The following SLCO3A1 variants were observed in gnomAD, a reference collection of about 807,000 sequenced individuals.
SLCO3A1 encodes solute carrier organic anion transporter family member 3A1, also known as PGE1 transporter.
Under a neutral mutation model 63.1 loss-of-function variants are expected in SLCO3A1, and 27 were observed. That is an observed-to-expected ratio of 0.43 (90% CI 0.32 to 0.59). SLCO3A1 has a LOEUF of 0.59. SLCO3A1 is among the 20% of genes least tolerant of loss of function. The probability of loss-of-function intolerance (pLI) is 0.09; values close to 1 mark genes in which losing one functional copy is unlikely to be tolerated. For synonymous variants in SLCO3A1, 473 were observed against 409.9 expected, an observed-to-expected ratio of 1.15 and a Z score of -1.86; for missense variants, 773 against 945.8, an observed-to-expected ratio of 0.82 and a Z score of 2.40.
In SLCO3A1 at chr15:92,042,379, C is replaced by T. The variant is rs142931006; in HGVS notation, c.647-52502C>T. Among the ~76,000 whole-genome samples the T allele has an allele frequency of 4.7e-3, 716 of 152,228 alleles. 7 individuals carry two copies. Among genetic ancestry groups the T allele is most frequent in the African/African-American group, 0.015 (615 of 41,530 alleles). Reference sequence around the variant, plus strand: ...GGATGACTTAAGGGATCAGCTATGACTGTTTTATTATGCCGTCTAGAAAAT... The same window carrying T: ...GGATGACTTAAGGGATCAGCTATGATTGTTTTATTATGCCGTCTAGAAAAT... On this transcript the variant is annotated intron_variant, in intron 2 of 9. Coordinates refer to ENST00000318445, the MANE Select transcript of SLCO3A1 (RefSeq NM_013272.4).
intron 2 of SLCO3A1, among the ~76,000 whole-genome samples, chr15:92,074,314 A>G (rs1567105092): frequency 1.3e-5 from 2 of 152,312 alleles, no homozygotes; most frequent in East Asian, 1.9e-4. Context: ...TTCAGTTAAC[A>G]CCAACCCGAA....
At position 92,147,013 on chromosome 15, in the gene SLCO3A1, C is replaced by T. The variant is rs774931766; in HGVS notation, c.1542C>T (p.Thr514=). Residue 514 remains threonine, a synonymous_variant, in exon 8 of 10, where the codon ACC becomes ACT. Transcript: ENST00000318445. Reference sequence around the variant, plus strand: ...TCACGGGCTGTGCGTGCCTCACCACCGTCCCTGCTGAGAACGCAACCGTGG... The same window carrying T: ...TCACGGGCTGTGCGTGCCTCACCACTGTCCCTGCTGAGAACGCAACCGTGG... ...TNLTGCACLT[T]VPAENATVVP... 8.1e-6 allele frequency: 13 copies of T among 1,613,634 alleles called. No individual in the cohort carries two copies. Among genetic ancestry groups the T allele is most frequent in the East Asian group, 4.5e-5 (2 of 44,872 alleles).
intron 2 of SLCO3A1, among the ~76,000 whole-genome samples, chr15:91,930,816 T>G (rs1424360761): frequency 6.6e-6 from 1 of 152,182 alleles, no homozygotes; most frequent in Non-Finnish European, 1.5e-5. Context: ...CCTGAGTTAG[T>G]TTTTATTTGC....
chr15:92,037,483 T>A (rs140958446), intron 2 of SLCO3A1, among the ~76,000 whole-genome samples: 1 of 152,342 alleles, frequency 6.6e-6, no homozygotes, highest in African/African-American at 2.4e-5. Flanking sequence ...TGTGTCCATA[T>A]AACAGGGAGT....
chr15:92,119,998 CAT>C (rs535175019), intron 4 of SLCO3A1, among the ~76,000 whole-genome samples: 5 of 151,308 alleles, frequency 3.3e-5, no homozygotes, highest in African/African-American at 7.3e-5. Flanking sequence ...TTTTCTTACA[CAT>C]ATATATATAT....
At chr15:92,131,463 C>G (rs1457978060) in intron 7 of SLCO3A1, among the ~76,000 whole-genome samples, 1 of 132,600 alleles carries the variant, frequency 7.5e-6, no homozygotes, top group Admixed American at 7.5e-5. Flanking sequence ...CTCCCGGGTT[C>G]AAGTGATTCT....
intron 1 of SLCO3A1, among the ~76,000 whole-genome samples, chr15:91,880,381 TTCTCTCTCTCTC>T (rs71464533): frequency 1.6e-5 from 2 of 121,692 alleles, no homozygotes; most frequent in Non-Finnish European, 3.6e-5. Flanking sequence ...GCACTCGTGC[TTCTCTCTCTCTC>T]TCTCTCTCTC....
chr15:92,119,516 TA>T (rs1221359794), intron 4 of SLCO3A1, among the ~76,000 whole-genome samples: 1 of 152,008 alleles, frequency 6.6e-6, no homozygotes, highest in Non-Finnish European at 1.5e-5. Context: ...AGAGACCCGC[TA>T]AGGAGAAGGA....
chr15:92,010,989 A>T (rs2046362747), intron 2 of SLCO3A1, among the ~76,000 whole-genome samples: 1 of 152,226 alleles, frequency 6.6e-6, no homozygotes, highest in African/African-American at 2.4e-5. Flanking sequence ...CACAGCAGCC[A>T]GTGCGATCCT....
intron 2 of SLCO3A1, among the ~76,000 whole-genome samples, chr15:92,037,318 T>A (rs1373388769): frequency 6.6e-6 from 1 of 152,162 alleles, no homozygotes; most frequent in East Asian, 1.9e-4. Context: ...CATTAAACCC[T>A]CCAAACAGCT....
chr15:92,068,213 A>G (rs1456536412), intron 2 of SLCO3A1, among the ~76,000 whole-genome samples: 2 of 152,212 alleles, frequency 1.3e-5, no homozygotes, highest in African/African-American at 4.8e-5. Flanking sequence ...TGTGTCTTTC[A>G]TAATTAGCAT....
At chr15:92,127,750 T>C (rs2047942662) in intron 6 of SLCO3A1, among the ~76,000 whole-genome samples, 1 of 152,186 alleles carries the variant, frequency 6.6e-6, no homozygotes, top group Non-Finnish European at 1.5e-5. Context: ...CTTAGTGTTA[T>C]TTTTCTCAGG....
chr15:91,927,714 A>G (rs1373845189), intron 2 of SLCO3A1, among the ~76,000 whole-genome samples: 1 of 152,188 alleles, frequency 6.6e-6, no homozygotes, highest in African/African-American at 2.4e-5. Flanking sequence ...TTTCTGGGCA[A>G]GATGCTATTA....
At position 92,016,545 on chromosome 15, in the gene SLCO3A1, T is replaced by G. The variant is rs78904581; in HGVS notation, c.647-78336T>G. 1.3e-3 allele frequency among the ~76,000 whole-genome samples: 195 copies of G among 152,148 alleles called. 1 individual carries two copies. Among genetic ancestry groups the G allele is most frequent in the African/African-American group, 4.4e-3 (183 of 41,492 alleles). ...TCTCTATGGCCTTTGTAAGTTGACATGGAGGTAGGTAGTGTGCAGCACGGG... is the reference window on the plus strand; with the variant it reads ...TCTCTATGGCCTTTGTAAGTTGACAGGGAGGTAGGTAGTGTGCAGCACGGG... On this transcript the variant is annotated intron_variant, in intron 2 of 9. Coordinates refer to ENST00000318445, the MANE Select transcript of SLCO3A1 (RefSeq NM_013272.4).
intron 1 of SLCO3A1, among the ~76,000 whole-genome samples, chr15:91,889,850 G>A (rs943769030): frequency 2.0e-5 from 3 of 150,954 alleles, no homozygotes; most frequent in Non-Finnish European, 2.9e-5. Context: ...CGCCCTGAGC[G>A]ATTTTCTGTT....
intron 1 of SLCO3A1, among the ~76,000 whole-genome samples, chr15:91,890,366 G>C (rs1897841003): frequency 6.6e-6 from 1 of 152,094 alleles, no homozygotes; most frequent in South Asian, 2.1e-4. Context: ...TCATGACTAT[G>C]TGCTCAGCTT....
At chr15:91,945,671 T>A (rs1471598090) in intron 2 of SLCO3A1, among the ~76,000 whole-genome samples, 1 of 152,242 alleles carries the variant, frequency 6.6e-6, no homozygotes, top group Non-Finnish European at 1.5e-5. Flanking sequence ...CCTGGCTGGC[T>A]GCAGGAAAGT....
rs1896839313 is a variant in SLCO3A1, at chr15:91,853,861, G to T, written c.-48G>T. The T allele has an allele frequency of 2.4e-6, 3 of 1,271,088 alleles. No individual in the cohort carries two copies. In the South Asian group the frequency reaches 7.8e-5, roughly 33 times the overall value. 78.7% of individuals were successfully genotyped at this position (1,271,088 alleles called of 1,614,324 possible). ...CGGCAGCGGCCCCGACACCCGGGGC[G>T]AGCGGGAAAGCGGCAGCGGCGGCGG... is the stretch of plus-strand genomic sequence containing the variant. On this transcript the variant is annotated 5_prime_UTR_variant, in exon 1 of 10. Transcript: ENST00000318445.
At chr15:91,902,692 A>G (rs1898190804) in intron 1 of SLCO3A1, among the ~76,000 whole-genome samples, 1 of 151,764 alleles carries the variant, frequency 6.6e-6, no homozygotes, top group Non-Finnish European at 1.5e-5. Flanking sequence ...CAGTTTTATC[A>G]TTGTTTTTGA....
Sources: gnomAD v4.1 joint callset for allele counts (sites outside exome capture counted in the v4.1 genomes callset) on GRCh38, gnomAD v4.1.1 for gene constraint, MANE v1.5 for transcripts, NCBI Gene and HGNC (gene_info 2026-07-23, HGNC 2026-07-21) for gene names.